KCNG2: variants seen among roughly 807,000 people sequenced by gnomAD.
The protein encoded by KCNG2 is potassium voltage-gated channel modifier subfamily G member 2.
KCNG2 carries 7 observed loss-of-function variants against 12.3 expected under a neutral mutation model. The ratio of observed to expected loss-of-function variants is 0.57; its 90% confidence interval spans 0.32 to 1.07. The LOEUF is 1.07. Ranked by LOEUF, KCNG2 falls within the 50% of genes least tolerant of loss-of-function variation. KCNG2 has a pLI of 0.04. For synonymous variants in KCNG2, 414 were observed against 351.4 expected, an observed-to-expected ratio of 1.18 and a Z score of -1.99; for missense variants, 703 against 726.0, an observed-to-expected ratio of 0.97 and a Z score of 0.36.
intron 1 of KCNG2, among the ~76,000 whole-genome samples, chr18:79,834,239 G>A (rs60865767): frequency 0.091 from 13,811 of 152,274 alleles, 835 homozygotes; most frequent in African/African-American, 0.17. Context: ...GGCGGCACCA[G>A]CACTGAGCAA....
At position 79,899,360 on chromosome 18, in the gene KCNG2, G is replaced by A. The variant is rs934730614; in HGVS notation, c.945G>A (p.Met315Ile). ...GGCTGCGTTCGCTGGGCCTGACCAT[G>A]CGCCGCTGCGCGCGCGAGTTCGGGC... ...SLGLRSLGLTMRRCAREFGLL... is the reference protein window; with the variant it reads ...SLGLRSLGLTIRRCAREFGLL... Residue 315 changes from methionine (M) to isoleucine (I), a missense_variant, in exon 4 of 4, where the codon ATG becomes ATA. Coordinates refer to ENST00000316249, the MANE Select transcript of KCNG2 (RefSeq NM_012283.2). 9.0e-6 allele frequency: 14 copies of A among 1,552,266 alleles called. No individual in the cohort carries two copies. In the African/African-American group the frequency reaches 1.7e-4, roughly 18 times the overall value.
intron 3 of KCNG2, among the ~76,000 whole-genome samples, chr18:79,888,949 G>A (rs1007387613): frequency 3.3e-5 from 5 of 152,098 alleles, no homozygotes; most frequent in Non-Finnish European, 5.9e-5. Flanking sequence ...AAAGTACTGG[G>A]ATTACAAGCA....
chr18:79,899,646 T>C lies in KCNG2; in HGVS notation c.1231T>C (p.Ser411Pro). The C allele has an allele frequency of 6.2e-7, 1 of 1,606,238 alleles. No individual in the cohort carries two copies. The highest frequency in any genetic ancestry group is 8.5e-7 in the Non-Finnish European group (1 of 1,177,006). Reference sequence around the variant, plus strand: ...CTCCATCTTCCACACCTTTTCGCGCTCCTACTCCGAGCTCAAGGAGCAGCA... The same window carrying C: ...CTCCATCTTCCACACCTTTTCGCGCCCCTACTCCGAGCTCAAGGAGCAGCA... Reference protein sequence around the residue: ...VTSIFHTFSRSYSELKEQQQR... With the variant: ...VTSIFHTFSRPYSELKEQQQR... The change falls in exon 4 of 4, where the codon TCC becomes CCC. Residue 411 changes from serine to proline, a missense_variant. Physicochemically the swap from Ser to Pro is moderately conservative, Grantham distance 74. Coordinates refer to ENST00000316249, the MANE Select transcript of KCNG2 (RefSeq NM_012283.2).
intron 3 of KCNG2, among the ~76,000 whole-genome samples, chr18:79,879,595 A>G (rs1037732260): frequency 2.0e-5 from 3 of 152,232 alleles, no homozygotes; most frequent in Admixed American, 1.3e-4. Context: ...GATACCACTC[A>G]AAGACAAAGA....
At position 79,806,621 on chromosome 18, in the gene KCNG2, T is replaced by C. The variant is rs570136336; in HGVS notation, c.-115+8607T>C. Among the ~76,000 whole-genome samples the C allele has an allele frequency of 7.9e-5, 12 of 152,248 alleles. No individual in the cohort carries two copies. In the East Asian group the frequency reaches 2.1e-3, roughly 27 times the overall value. ...TCAAATGATGGTTTTTAGAAAAAAA[T>C]TGGTAAAATTAATACTTGCTAGGAG... On this transcript the variant is annotated intron_variant, in intron 1 of 3. Transcript: ENST00000316249.
At chr18:79,851,128 A>G (rs1348750591) in intron 1 of KCNG2, among the ~76,000 whole-genome samples, 1 of 152,198 alleles carries the variant, frequency 6.6e-6, no homozygotes, top group African/African-American at 2.4e-5. Context: ...GACGTTCCCG[A>G]GAGTAAGAGG....
rs144222105 is a variant in KCNG2 at position 79,885,562 on chromosome 18, C to T, written c.625-13478C>T. ...GAACACACACTCAGCCCGGGCGCTC[C>T]TGCCCCACCGGTCCCTATGCCCGGC... On this transcript the variant is annotated intron_variant, in intron 3 of 3. Transcript: ENST00000316249. Among the ~76,000 whole-genome samples, 1,001 of 152,316 alleles carry T rather than the reference C, an allele frequency of 6.6e-3. 16 individuals are homozygous for T. The highest frequency in any genetic ancestry group is 0.023 in the African/African-American group (956 of 41,576).
At chr18:79,799,719 T>C (rs1024993745) in intron 1 of KCNG2, among the ~76,000 whole-genome samples, 1 of 152,216 alleles carries the variant, frequency 6.6e-6, no homozygotes, top group African/African-American at 2.4e-5. Context: ...GGGAAGTGAG[T>C]TCTCAGCTGC....
At chr18:79,890,380 T>C (rs574512125) in intron 3 of KCNG2, among the ~76,000 whole-genome samples, 2 of 152,312 alleles carry the variant, frequency 1.3e-5, no homozygotes, top group African/African-American at 2.4e-5. Context: ...CCCGGACATA[T>C]TGTGTGATGC....
At chr18:79,809,370 G>T (rs1464395794) in intron 1 of KCNG2, among the ~76,000 whole-genome samples, 110 of 127,166 alleles carry the variant, frequency 8.7e-4, no homozygotes, top group Non-Finnish European at 1.4e-3. Context: ...CACGTTATGG[G>T]CCCAGAGTCC....
At chr18:79,892,198 T>A (rs1184942601) in intron 3 of KCNG2, among the ~76,000 whole-genome samples, 1 of 152,194 alleles carries the variant, frequency 6.6e-6, no homozygotes, top group African/African-American at 2.4e-5. Flanking sequence ...TTTCTGTTTG[T>A]GTTCAGTTTT....
chr18:79,858,246 C>A (rs988648487), intron 2 of KCNG2, among the ~76,000 whole-genome samples: 1 of 152,246 alleles, frequency 6.6e-6, no homozygotes, highest in African/African-American at 2.4e-5. Flanking sequence ...AAGTGATCCA[C>A]CCGCCTCAGC....
intron 3 of KCNG2, among the ~76,000 whole-genome samples, chr18:79,887,644 C>A (rs1466480062): frequency 6.6e-6 from 1 of 152,208 alleles, no homozygotes; most frequent in East Asian, 1.9e-4. Context: ...CCAAGCCTGG[C>A]GTCCCGAGGG....
intron 1 of KCNG2, among the ~76,000 whole-genome samples, chr18:79,842,125 A>G (rs1978478288): frequency 6.6e-6 from 1 of 152,174 alleles, no homozygotes; most frequent in African/African-American, 2.4e-5. Flanking sequence ...CACATGCTCC[A>G]GGCCTACCCC....
At chr18:79,844,360 C>T (rs1568253414) in intron 1 of KCNG2, among the ~76,000 whole-genome samples, 3 of 152,036 alleles carry the variant, frequency 2.0e-5, no homozygotes, top group Admixed American at 2.0e-4. Flanking sequence ...GAAAGTTGAA[C>T]TCACAAGCAG....
chr18:79,835,567 G>A lies in KCNG2; in HGVS notation c.-114-20812G>A, dbSNP rs566084915. 3.3e-5 allele frequency among the ~76,000 whole-genome samples: 5 copies of A among 152,302 alleles called. No homozygotes were observed. In the South Asian group the frequency reaches 6.2e-4, roughly 19 times the overall value. On this transcript the variant is annotated intron_variant, in intron 1 of 3. Transcript: ENST00000316249. ...TCAATGGATAGGTTCAGTGGTAGAC[G>A]GAGTAGACGTATAAAAGAGTCAGTG...
chr18:79,807,025 C>G (rs2087454575), intron 1 of KCNG2, among the ~76,000 whole-genome samples: 2 of 152,270 alleles, frequency 1.3e-5, no homozygotes, highest in South Asian at 4.1e-4. Context: ...TAGAAATAGC[C>G]TGAAGCCTTG....
chr18:79,829,783 C>A (rs917420509), intron 1 of KCNG2, among the ~76,000 whole-genome samples: 5 of 152,210 alleles, frequency 3.3e-5, no homozygotes, highest in Admixed American at 6.5e-5. Context: ...CCCAGGGCAG[C>A]CTGGTTGGCC....
chr18:79,863,763 G>A lies in KCNG2; in HGVS notation c.96G>A (p.Trp32Ter). The A allele has an allele frequency of 8.1e-7, 1 of 1,235,748 alleles. No individual in the cohort carries two copies. The highest frequency in any genetic ancestry group is 1.0e-6 in the Non-Finnish European group (1 of 985,166). 76.5% of individuals were successfully genotyped at this position (1,235,748 alleles called of 1,614,324 possible). Residue 32 changes from tryptophan (W) to a stop codon, truncating the protein, a stop_gained, in exon 3 of 4, where the codon TGG becomes TGA. Coordinates refer to ENST00000316249, the MANE Select transcript of KCNG2 (RefSeq NM_012283.2). LOFTEE classifies it high-confidence loss of function. ...NVGGCRVRLA[W>*]AALARCPLAR... ...GCGGCTGCCGCGTGCGCCTGGCATG[G>A]GCCGCGCTGGCGCGATGCCCCCTCG... is the stretch of plus-strand genomic sequence containing the variant.
Sources: gnomAD v4.1 joint callset for allele counts (sites outside exome capture counted in the v4.1 genomes callset) on GRCh38, gnomAD v4.1.1 for gene constraint, MANE v1.5 for transcripts, NCBI Gene and HGNC (gene_info 2026-07-23, HGNC 2026-07-21) for gene names.